PHF10: variants seen among roughly 807,000 people sequenced by gnomAD.
PHF10 encodes BRG1-associated factor 45a.
A neutral mutation model predicts 68.5 loss-of-function variants in PHF10; 51 were observed. The observed-to-expected ratio is 0.74, with a 90% confidence interval of 0.59 to 0.94. The LOEUF is 0.94. Ranked by LOEUF, PHF10 falls within the 40% of genes least tolerant of loss-of-function variation. PHF10 has a pLI of 0.00. For synonymous variants in PHF10, 204 were observed against 203.5 expected (o/e 1.00, Z -0.02); for missense variants, 460 against 602.6 (o/e 0.76, Z 2.48).
intron 4 of PHF10, 34 bp from the exon 5 acceptor site, chr6:169,716,122 G>C: frequency 6.9e-7 from 1 of 1,454,818 alleles, no homozygotes; most frequent in Non-Finnish European, 9.3e-7. Flanking sequence ...AAATAAAGAA[G>C]CTCTTTTAAG....
At chr6:169,723,512 C>T (rs1447003174) in intron 1 of PHF10, among the ~76,000 whole-genome samples, 1 of 152,236 alleles carries the variant, frequency 6.6e-6, no homozygotes, top group Non-Finnish European at 1.5e-5. Flanking sequence ...TTCTGCAGGC[C>T]CCTCCGAGGC....
intron 1 of PHF10, among the ~76,000 whole-genome samples, chr6:169,723,031 C>CA (rs1789217349): frequency 6.6e-6 from 1 of 152,220 alleles, no homozygotes; most frequent in Non-Finnish European, 1.5e-5. Flanking sequence ...GAAAAGCTCC[C>CA]AAGCAGGCGC....
At position 169,712,367 on chromosome 6, in the gene PHF10, T is replaced by C; in HGVS notation, c.957+19A>G. On this transcript the variant is annotated intron_variant, in intron 8 of 11. Transcript: ENST00000339209. ...CAAAGAGAAAGGAAATGCTTCCTAC[T>C]AGAGAGAAATGTTCTCACCGAAGTG... is the stretch of plus-strand genomic sequence containing the variant. 9 of 1,608,022 alleles carry C rather than the reference T, an allele frequency of 5.6e-6. No individual in the cohort carries two copies. The highest frequency in any genetic ancestry group is 7.7e-6 in the Non-Finnish European group (9 of 1,174,998).
At chr6:169,711,176 CT>C (rs1788919694) in intron 8 of PHF10, among the ~76,000 whole-genome samples, 2 of 152,046 alleles carry the variant, frequency 1.3e-5, no homozygotes, top group African/African-American at 4.8e-5. Context: ...ACATTACCCC[CT>C]ACCTCATTGT....
chr6:169,710,408 A>G lies in PHF10; in HGVS notation c.958-17T>C, dbSNP rs769470895. ...GGAGCTGTCCTGGAGTTTAAAAGGC[A>G]AAAACAAAGATTCTTTGGAATTAAG... On this transcript the variant is annotated splice_polypyrimidine_tract_variant and intron_variant, in intron 8 of 11. Transcript: ENST00000339209. 4 of 1,593,812 alleles carry G rather than the reference A, an allele frequency of 2.5e-6. No homozygotes were observed. Among genetic ancestry groups the G allele is most frequent in the Non-Finnish European group, 2.6e-6 (3 of 1,166,234 alleles).
Position 169,715,964 on chromosome 6 carries a change from T to C in PHF10, c.534A>G (p.Lys178=). The part of the protein sequence containing the change: ...KERQRITDHY[K]EYSQMQQQNT... ...CACCTCAATTACTTACGGAATACTC[T>C]TTATAATGGTCTGTAATTCGTTGAC... The change falls in exon 5 of 12, where the codon AAA becomes AAG. Residue 178 remains lysine, a synonymous_variant. Transcript: ENST00000339209. The C allele has an allele frequency of 6.2e-7, 1 of 1,606,330 alleles. No homozygotes were observed.
At chr6:169,722,010 T>C (rs989456231) in intron 1 of PHF10, among the ~76,000 whole-genome samples, 2 of 152,208 alleles carry the variant, frequency 1.3e-5, no homozygotes, top group Non-Finnish European at 2.9e-5. Context: ...TGTCCCTCAC[T>C]AGCTGAGTAG....
intron 11 of PHF10, 60 bp from the exon 12 acceptor site, chr6:169,704,148 C>A: frequency 1.6e-6 from 2 of 1,257,382 alleles, no homozygotes; most frequent in South Asian, 1.5e-5. Context: ...GAATTTTAAG[C>A]CCATCTAAAC....
intron 11 of PHF10, chr6:169,704,479 CCTGGTGTACT>C: frequency 5.1e-6 from 1 of 196,134 alleles, no homozygotes; most frequent in Non-Finnish European, 1.1e-5. Context: ...TCTTTCAAGT[CCTGGTGTACT>C]CTGCTGACAG....
chr6:169,710,531 G>A (rs1364324917), intron 8 of PHF10, 140 bp from the exon 9 acceptor site: 1 of 685,992 alleles, frequency 1.5e-6, no homozygotes, highest in African/African-American at 1.8e-5. Context: ...CTAAATGTAA[G>A]AAAGCTTTTT....
At chr6:169,705,429 A>G (rs1788747813) in intron 10 of PHF10, 108 bp from the exon 11 acceptor site, 3 of 793,896 alleles carry the variant, frequency 3.8e-6, no homozygotes, top group Non-Finnish European at 6.2e-6. Context: ...CTATAATGTC[A>G]AATCGCCAAA....
At chr6:169,720,980 T>C (rs1789162776) in intron 2 of PHF10, 25 bp downstream of exon 2, 2 of 1,275,322 alleles carry the variant, frequency 1.6e-6, no homozygotes, top group Non-Finnish European at 2.2e-6. Context: ...ACAAAAAATA[T>C]TAATAACCGA....
At chr6:169,717,732 T>C in intron 4 of PHF10, 91 bp downstream of exon 4, 1 of 613,350 alleles carries the variant, frequency 1.6e-6, no homozygotes, top group Non-Finnish European at 2.9e-6. Flanking sequence ...TTTTATTAAT[T>C]TTGTAAAATA....
At chr6:169,716,265 T>A (rs1172853136) in intron 4 of PHF10, among the ~76,000 whole-genome samples, 177 bp from the exon 5 acceptor site, 1 of 152,134 alleles carries the variant, frequency 6.6e-6, no homozygotes, top group Non-Finnish European at 1.5e-5. Flanking sequence ...CAATATAAAC[T>A]CGAGCAATCA....
rs561130290 is a variant in PHF10, at chr6:169,714,356, A to T, written c.803+377T>A. ...ACATGAATCACACAGACATCTGTTA[A>T]AATGCAGACTCTGAGTCATAGGTCT... is the stretch of plus-strand genomic sequence containing the variant. On this transcript the variant is annotated intron_variant, in intron 7 of 11. Coordinates refer to ENST00000339209, the MANE Select transcript of PHF10 (RefSeq NM_018288.4). 2.0e-5 allele frequency among the ~76,000 whole-genome samples: 3 copies of T among 152,308 alleles called. No individual in the cohort carries two copies. In the South Asian group the frequency reaches 6.2e-4, roughly 32 times the overall value.
At chr6:169,721,151 G>A in intron 1 of PHF10, 40 bp from the exon 2 acceptor site, 1 of 1,120,006 alleles carries the variant, frequency 8.9e-7, no homozygotes, top group Non-Finnish European at 1.3e-6. Context: ...ATTAGAGAAA[G>A]AATAAAAGAA....
intron 4 of PHF10, among the ~76,000 whole-genome samples, chr6:169,716,935 A>C (rs1228745627): frequency 6.6e-6 from 1 of 152,208 alleles, no homozygotes; most frequent in Non-Finnish European, 1.5e-5. Flanking sequence ...CAAAAAATAC[A>C]AACACTCTGA....
chr6:169,705,413 G>T (rs1176688702), intron 10 of PHF10, 92 bp from the exon 11 acceptor site: 99 of 886,990 alleles, frequency 1.1e-4, no homozygotes, highest in Non-Finnish European at 7.1e-6. Flanking sequence ...GACTTCCAGA[G>T]AATGGCTATA....
chr6:169,704,166 C>T (rs531182752), intron 11 of PHF10, 78 bp from the exon 12 acceptor site: 3 of 1,019,986 alleles, frequency 2.9e-6, no homozygotes, highest in East Asian at 5.7e-5. Flanking sequence ...AACTCTTCTG[C>T]CTTAGCTATC....
Sources: gnomAD v4.1 joint callset for allele counts (sites outside exome capture counted in the v4.1 genomes callset) on GRCh38, gnomAD v4.1.1 for gene constraint, MANE v1.5 for transcripts, NCBI Gene and HGNC (gene_info 2026-07-23, HGNC 2026-07-21) for gene names.